NDC80: variants seen among roughly 807,000 people sequenced by gnomAD.
The protein encoded by NDC80 is kinetochore protein NDC80 homolog.
A neutral mutation model predicts 89.3 loss-of-function variants in NDC80; 69 were observed. The ratio of observed to expected loss-of-function variants is 0.77; its 90% CI spans 0.64 to 0.94. The LOEUF (loss-of-function observed/expected upper bound fraction) is 0.94. Ranked by LOEUF, NDC80 falls within the 40% of genes least tolerant of loss-of-function variation. The probability of loss-of-function intolerance (pLI) is 0.00; values close to 1 mark genes in which losing one functional copy is unlikely to be tolerated. For missense variants in NDC80, 593 were observed against 739.6 expected (o/e 0.80, Z 2.30); for synonymous variants, 243 against 255.6 (o/e 0.95, Z 0.47).
Position 2,616,552 on chromosome 18 carries a change from T to C in NDC80, c.1907T>C (p.Leu636Pro). The C allele has an allele frequency of 7.0e-7, 1 of 1,438,624 alleles. No homozygotes were observed. Among genetic ancestry groups the C allele is most frequent in the East Asian group, 2.4e-5 (1 of 41,962 alleles). The allele number at this position is 1,438,624 out of a possible 1,614,324, so 89.1% of individuals were successfully genotyped here. A position where few individuals can be genotyped will look rare whatever the true frequency, so the allele number is the denominator to read the frequency against. ...IRDKYEKKAT[L>P]IKSSEE ...GATAAGTATGAGAAGAAAGCTACTC[T>C]AATTAAGTCTTCTGAAGAATGAAGA... The change falls in exon 17 of 17, where the codon CTA becomes CCA. Residue 636 changes from leucine (L) to proline (P), a missense_variant. Transcript: ENST00000261597.
At chr18:2,581,346 T>C (rs939481354) in intron 6 of NDC80, among the ~76,000 whole-genome samples, 4 of 152,186 alleles carry the variant, frequency 2.6e-5, no homozygotes, top group Admixed American at 2.0e-4. Flanking sequence ...TTCACTCATG[T>C]ATCACAGTCC....
In NDC80 at chr18:2,597,645, C is replaced by T. The variant is rs146287284; in HGVS notation, c.1222-1374C>T. Reference sequence around the variant, plus strand: ...ACTTGGGAGGCTGAGGCAGGAGAATCGCTTGAACCCGGAGGCGGAAGTTGC... The same window carrying T: ...ACTTGGGAGGCTGAGGCAGGAGAATTGCTTGAACCCGGAGGCGGAAGTTGC... On this transcript the variant is annotated intron_variant, in intron 11 of 16. Coordinates refer to ENST00000261597, the MANE Select transcript of NDC80 (RefSeq NM_006101.3). 3.2e-4 allele frequency among the ~76,000 whole-genome samples: 49 copies of T among 151,994 alleles called. No homozygotes were observed. In the East Asian group the frequency reaches 8.9e-3, roughly 28 times the overall value.
chr18:2,605,186 G>A (rs1282451223), intron 13 of NDC80, among the ~76,000 whole-genome samples: 1 of 151,604 alleles, frequency 6.6e-6, no homozygotes, highest in Non-Finnish European at 1.5e-5. Flanking sequence ...AGAGAGAATT[G>A]TAGGTTGGGA....
rs2072539907 is a variant in NDC80 at position 2,575,151 on chromosome 18, A to G, written c.179+85A>G. ...TCAGAGAACAAATACATTAGATGAC[A>G]TGGTTCCTTTCGAGAGAAAAGTTAT... On this transcript the variant is annotated intron_variant, in intron 3 of 16. Coordinates refer to ENST00000261597, the MANE Select transcript of NDC80 (RefSeq NM_006101.3). 11 of 941,418 alleles carry G rather than the reference A, an allele frequency of 1.2e-5. No homozygotes were observed. In the East Asian group the frequency reaches 2.8e-4, roughly 24 times the overall value. 58.3% of individuals were successfully genotyped at this position (941,418 alleles called of 1,614,324 possible).
intron 16 of NDC80, among the ~76,000 whole-genome samples, chr18:2,612,834 A>G (rs933661157): frequency 7.2e-5 from 11 of 152,244 alleles, no homozygotes; most frequent in African/African-American, 2.7e-4. Context: ...AAAATTTATG[A>G]TTAATCAGTA....
chr18:2,610,821 G>A lies in NDC80; in HGVS notation c.1751G>A (p.Arg584His), dbSNP rs144795559. 37 of 1,590,374 alleles carry A rather than the reference G, an allele frequency of 2.3e-5. No homozygotes were observed. Among genetic ancestry groups the A allele is most frequent in the Middle Eastern group, 1.7e-4 (1 of 5,974 alleles). The change falls in exon 16 of 17, where the codon CGT (arginine) becomes CAT (histidine). Residue 584 changes from arginine to histidine, a missense_variant. Coordinates refer to ENST00000261597, the MANE Select transcript of NDC80 (RefSeq NM_006101.3). ...ERRKVGNNLQ[R>H]LLEMVATHVG... is the part of the protein sequence containing the mutation. ...CGAAAAGTGGGAAATAACTTGCAACGTCTGTTAGAGATGGTTGCTACACAT... is the reference window on the plus strand; with the variant it reads ...CGAAAAGTGGGAAATAACTTGCAACATCTGTTAGAGATGGTTGCTACACAT...
chr18:2,577,637 G>A, intron 3 of NDC80, 109 bp from the exon 4 acceptor site: 2 of 1,172,464 alleles, frequency 1.7e-6, no homozygotes, highest in Admixed American at 2.2e-5. Context: ...TTAGTTATAA[G>A]AACGTAATGT....
intron 6 of NDC80, chr18:2,582,016 T>C (rs2072580531): frequency 6.6e-6 from 1 of 152,062 alleles, no homozygotes; most frequent in Non-Finnish European, 1.5e-5. Context: ...TGTTCCTTCA[T>C]TAAGATTTTG....
rs773199734 is a variant in NDC80, at chr18:2,579,024, A to T, written c.574A>T (p.Ile192Phe). ...VAALVWLIDC[I>F]KIHTAMKESS... is the part of the protein sequence containing the mutation. Reference sequence around the variant, plus strand: ...AGCCTTAGTTTGGCTAATAGACTGCATCAAGGTATTTGATTTGTTCTTTTG... The same window carrying T: ...AGCCTTAGTTTGGCTAATAGACTGCTTCAAGGTATTTGATTTGTTCTTTTG... Residue 192 changes from isoleucine to phenylalanine, a missense_variant, in exon 6 of 17, where the codon ATC (isoleucine) becomes TTC (phenylalanine). Physicochemically the swap from Ile to Phe is conservative, Grantham distance 21 (BLOSUM62 0). Coordinates refer to ENST00000261597, the MANE Select transcript of NDC80 (RefSeq NM_006101.3). 6.5e-7 allele frequency: 1 copy of T among 1,530,058 alleles called. No homozygotes were observed. The highest frequency in any genetic ancestry group is 1.3e-5 in the South Asian group (1 of 78,068). The allele number at this position is 1,530,058 out of a possible 1,614,324, so 94.8% of individuals were successfully genotyped here.
intron 11 of NDC80, among the ~76,000 whole-genome samples, chr18:2,598,604 T>G (rs1598242485): frequency 6.6e-6 from 1 of 152,214 alleles, no homozygotes; most frequent in Non-Finnish European, 1.5e-5. Flanking sequence ...TTTTCAGACA[T>G]AAATGATTAT....
chr18:2,583,988 C>A (rs1165592109), intron 6 of NDC80, among the ~76,000 whole-genome samples: 1 of 151,942 alleles, frequency 6.6e-6, no homozygotes, highest in Non-Finnish European at 1.5e-5. Context: ...CTATTAGATA[C>A]CTATTGATAT....
At chr18:2,603,457 A>G (rs1304565061) in intron 13 of NDC80, among the ~76,000 whole-genome samples, 18 of 150,618 alleles carry the variant, frequency 1.2e-4, no homozygotes, top group African/African-American at 3.9e-4. Context: ...TACAGAGACT[A>G]ACAACTAAAA....
chr18:2,589,289 A>G lies in NDC80; in HGVS notation c.849A>G (p.Glu283=), dbSNP rs150053394. The part of the protein sequence containing the change: ...RALNEQIARL[E]QEREKEPNRL... ...TGAATGAACAGATTGCAAGATTGGA[A>G]CAAGAAAGAGAAAAAGAACCGGTTA... is the stretch of plus-strand genomic sequence containing the variant. The change falls in exon 9 of 17, where the codon GAA becomes GAG. Residue 283 remains glutamate, a synonymous_variant. Coordinates refer to ENST00000261597, the MANE Select transcript of NDC80 (RefSeq NM_006101.3). The G allele has an allele frequency of 2.2e-5, 35 of 1,613,416 alleles. No homozygotes were observed. The highest frequency in any genetic ancestry group is 2.5e-5 in the Non-Finnish European group (30 of 1,179,480).
intron 8 of NDC80, 68 bp from the exon 9 acceptor site, chr18:2,589,136 T>C: frequency 3.0e-6 from 3 of 1,014,900 alleles, no homozygotes; most frequent in South Asian, 1.3e-5. Flanking sequence ...GGAGTAATGG[T>C]GAAAACTTGG....
chr18:2,611,491 G>A (rs970341144), intron 16 of NDC80, among the ~76,000 whole-genome samples: 20 of 152,086 alleles, frequency 1.3e-4, no homozygotes, highest in South Asian at 2.1e-4. Flanking sequence ...AAAACTTATC[G>A]TACATTTAGG....
Position 2,575,116 on chromosome 18 carries a change from G to A in NDC80, c.179+50G>A, listed in dbSNP as rs375910903. ...AATAAAGGGATTCTTATAGCCATAC[G>A]TTGTTGCCCTCAGAGAACAAATACA... On this transcript the variant is annotated intron_variant, in intron 3 of 16. Transcript: ENST00000261597. 226 of 1,304,678 alleles carry A rather than the reference G, an allele frequency of 1.7e-4. No individual in the cohort carries two copies. The African/African-American group carries it at 2.5e-3, about 14-fold the overall frequency. 80.8% of individuals were successfully genotyped at this position (1,304,678 alleles called of 1,614,324 possible). A position where few individuals can be genotyped will look rare whatever the true frequency, so the allele number is the denominator to read the frequency against.
At chr18:2,612,216 A>G (rs1191148351) in intron 16 of NDC80, among the ~76,000 whole-genome samples, 1 of 150,600 alleles carries the variant, frequency 6.6e-6, no homozygotes, top group Non-Finnish European at 1.5e-5. Context: ...ATCTGTAAAA[A>G]TGAAGCAGTT....
chr18:2,598,815 A>G (rs2072670044), intron 11 of NDC80, among the ~76,000 whole-genome samples: 1 of 152,192 alleles, frequency 6.6e-6, no homozygotes, highest in African/African-American at 2.4e-5. Flanking sequence ...GATAGTCTTA[A>G]TTATTCTGTA....
At chr18:2,589,466 G>A (rs1310200800) in intron 9 of NDC80, among the ~76,000 whole-genome samples, 156 bp downstream of exon 9, 3 of 152,172 alleles carry the variant, frequency 2.0e-5, no homozygotes, top group African/African-American at 2.4e-5. Context: ...ATGAAAACAT[G>A]TTTGGTATCT....
Sources: gnomAD v4.1 joint callset for allele counts (sites outside exome capture counted in the v4.1 genomes callset) on GRCh38, gnomAD v4.1.1 for gene constraint, MANE v1.5 for transcripts, NCBI Gene and HGNC (gene_info 2026-07-23, HGNC 2026-07-21) for gene names.